The following DOCK3 variants were observed in gnomAD, a reference collection of about 807,000 sequenced individuals.
DOCK3 encodes the protein dedicator of cytokinesis protein 3.
In DOCK3, 60 loss-of-function variants were observed where a neutral mutation model predicts 265.6. That is an observed-to-expected ratio of 0.23 (90% CI 0.18 to 0.28). DOCK3 has a LOEUF of 0.28. Ranked by LOEUF, DOCK3 falls within the 10% of genes least tolerant of loss-of-function variation. The pLI is 1.00. For missense variants in DOCK3, 1,981 were observed against 2,594.3 expected (o/e 0.76, Z 5.14); for synonymous variants, 881 against 938.0 (o/e 0.94, Z 1.11).
chr3:51,011,203 C>G (rs1440827973), intron 5 of DOCK3, among the ~76,000 whole-genome samples: 1 of 152,158 alleles, frequency 6.6e-6, no homozygotes, highest in African/African-American at 2.4e-5. Flanking sequence ...TGGATAATAT[C>G]CTGCAGAGTG....
intron 5 of DOCK3, among the ~76,000 whole-genome samples, chr3:50,995,566 A>C (rs2078250298): frequency 6.6e-6 from 1 of 152,220 alleles, no homozygotes; most frequent in Non-Finnish European, 1.5e-5. Flanking sequence ...GACTTTGCAG[A>C]GGAAGAAAGG....
intron 3 of DOCK3, among the ~76,000 whole-genome samples, chr3:50,847,903 A>AAAAAG (rs1553682502): frequency 3.3e-5 from 5 of 149,666 alleles, no homozygotes; most frequent in Admixed American, 1.3e-4. Flanking sequence ...AAAAAAAAAA[A>AAAAAG]TCCCCCACAG....
chr3:51,008,653 T>G (rs2078789426), intron 5 of DOCK3, among the ~76,000 whole-genome samples: 1 of 152,214 alleles, frequency 6.6e-6, no homozygotes, highest in Non-Finnish European at 1.5e-5. Context: ...GGCCAGAACT[T>G]CCAACACTAT....
At chr3:51,030,031 G>C (rs2079984587) in intron 5 of DOCK3, among the ~76,000 whole-genome samples, 1 of 152,088 alleles carries the variant, frequency 6.6e-6, no homozygotes, top group Non-Finnish European at 1.5e-5. Flanking sequence ...TATCAGAGGG[G>C]GAAGGGGAGG....
At chr3:51,141,910 A>T (rs767085650) in intron 9 of DOCK3, among the ~76,000 whole-genome samples, 10 of 147,420 alleles carry the variant, frequency 6.8e-5, no homozygotes, top group Non-Finnish European at 1.2e-4. Flanking sequence ...ACCTTTCCCC[A>T]TTACATTTTC....
chr3:50,844,707 G>A (rs1222522552), intron 3 of DOCK3, among the ~76,000 whole-genome samples: 1 of 152,130 alleles, frequency 6.6e-6, no homozygotes, highest in East Asian at 1.9e-4. Flanking sequence ...TTTAAGAGAA[G>A]CATGATAGGC....
At chr3:51,161,929 G>C (rs2086160884) in intron 12 of DOCK3, among the ~76,000 whole-genome samples, 1 of 152,114 alleles carries the variant, frequency 6.6e-6, no homozygotes, top group Non-Finnish European at 1.5e-5. Flanking sequence ...TCTTAGATAA[G>C]CAGTCCATCT....
intron 1 of DOCK3, among the ~76,000 whole-genome samples, chr3:50,750,829 G>A (rs2039754198): frequency 6.6e-6 from 1 of 152,166 alleles, no homozygotes; most frequent in South Asian, 2.1e-4. Context: ...GTGTGCTATA[G>A]AATGTAAATT....
At position 51,381,970 on chromosome 3, in the gene DOCK3, A is replaced by C. The variant is rs1366389592; in HGVS notation, c.*411A>C. The stretch of plus-strand genomic sequence containing the variant: ...TAGAGATGCACCGAATGGAAATTGC[A>C]CTAAGGACCTCTTCCTTTGCTGTAT... On this transcript the variant is annotated 3_prime_UTR_variant, in exon 53 of 53. Coordinates refer to ENST00000266037, the MANE Select transcript of DOCK3 (RefSeq NM_004947.5). This position sits in a 1 kb window ranked among gnomAD's most constrained non-coding sequence, Gnocchi z 5.6. 6.0e-6 allele frequency: 1 copy of C among 166,804 alleles called. No homozygotes were observed. The highest frequency in any genetic ancestry group is 1.3e-5 in the Non-Finnish European group (1 of 77,942). 10.3% of individuals were successfully genotyped at this position (166,804 alleles called of 1,614,324 possible).
intron 2 of DOCK3, among the ~76,000 whole-genome samples, chr3:50,782,499 C>T (rs960703164): frequency 2.0e-5 from 3 of 151,366 alleles, no homozygotes; most frequent in Non-Finnish European, 4.4e-5. Flanking sequence ...ACCTTGTTAG[C>T]CAGGATGGTC....
chr3:50,910,332 C>T (rs749878875), intron 4 of DOCK3, among the ~76,000 whole-genome samples: 16 of 152,046 alleles, frequency 1.1e-4, no homozygotes, highest in Non-Finnish European at 2.2e-4. Flanking sequence ...CATCACCCCT[C>T]CTTACACTCT....
intron 49 of DOCK3, among the ~76,000 whole-genome samples, chr3:51,371,734 A>T (rs572248972): frequency 1.3e-5 from 2 of 152,238 alleles, no homozygotes; most frequent in African/African-American, 2.4e-5. Context: ...CTTCCTTGCC[A>T]TACCCATGGA....
At chr3:50,793,139 G>T (rs11717049) in intron 2 of DOCK3, among the ~76,000 whole-genome samples, 1 of 151,878 alleles carries the variant, frequency 6.6e-6, no homozygotes, top group Non-Finnish European at 1.5e-5. Context: ...GTCTTGGGAG[G>T]GGGTATGTGT....
intron 5 of DOCK3, among the ~76,000 whole-genome samples, chr3:51,018,613 C>G (rs1375202521): frequency 6.6e-6 from 1 of 151,474 alleles, no homozygotes; most frequent in South Asian, 2.1e-4. Context: ...AGAAGGGACC[C>G]GAGTCTAGAC....
chr3:51,175,105 T>A (rs1340414451), intron 12 of DOCK3, among the ~76,000 whole-genome samples: 3 of 152,136 alleles, frequency 2.0e-5, no homozygotes, highest in African/African-American at 7.2e-5. Flanking sequence ...GCCCCAGACC[T>A]CAGCTGAGTC....
chr3:51,195,843 A>G (rs2088263588), intron 12 of DOCK3, among the ~76,000 whole-genome samples: 1 of 152,140 alleles, frequency 6.6e-6, no homozygotes, highest in Non-Finnish European at 1.5e-5. Flanking sequence ...TGTCTGGAAA[A>G]GATTTTATTT....
At chr3:50,900,571 T>A (rs1420172516) in intron 4 of DOCK3, 1 of 345,776 alleles carries the variant, frequency 2.9e-6, no homozygotes, top group African/African-American at 2.2e-5. Context: ...TTTTTGGAAT[T>A]TTCAGCCTTT....
intron 5 of DOCK3, among the ~76,000 whole-genome samples, chr3:51,049,064 C>T (rs910785990): frequency 8.5e-5 from 13 of 152,072 alleles, no homozygotes; most frequent in East Asian, 1.9e-4. Context: ...CTGTGGCTCA[C>T]GCCTGTAATC....
rs2033914336 is a variant in DOCK3 at position 50,675,853 on chromosome 3, A to T, written c.37+553A>T. Reference sequence around the variant, plus strand: ...TAGAAATAATACCTTACGATGGGAAATGTTTTTGGACATGTATCAATGTTT... The same window carrying T: ...TAGAAATAATACCTTACGATGGGAATTGTTTTTGGACATGTATCAATGTTT... On this transcript the variant is annotated intron_variant, in intron 1 of 52. Transcript: ENST00000266037. The surrounding 1 kb of genome is among the most constrained non-coding windows in gnomAD (Gnocchi z 6.1). 6.6e-6 allele frequency among the ~76,000 whole-genome samples: 1 copy of T among 152,024 alleles called. No homozygotes were observed. Among genetic ancestry groups the T allele is most frequent in the Admixed American group, 6.6e-5 (1 of 15,254 alleles).
Sources: allele counts gnomAD v4.1 joint callset (sites outside exome capture counted in the v4.1 genomes callset), GRCh38; gene constraint gnomAD v4.1.1; non-coding constraint Gnocchi (gnomAD v3.1); transcripts MANE v1.5; gene names NCBI Gene and HGNC (gene_info 2026-07-23, HGNC 2026-07-21).